The following SLC41A3 variants were observed in gnomAD, a reference collection of about 807,000 sequenced individuals.
SLC41A3 encodes solute carrier family 41 member 3, also known as SLC41A1-like 2.
A neutral mutation model predicts 45.4 loss-of-function variants in SLC41A3; 44 were observed. The ratio of observed to expected loss-of-function variants is 0.97; its 90% confidence interval spans 0.76 to 1.25. The LOEUF is 1.25. Among genes scored for constraint, SLC41A3 ranks in the 50% most tolerant of loss-of-function variants. SLC41A3 has a pLI of 0.00. For missense variants in SLC41A3, 550 were observed against 600.6 expected, an observed-to-expected ratio of 0.92 and a Z score of 0.88; for synonymous variants, 256 against 252.4, an observed-to-expected ratio of 1.01 and a Z score of -0.13.
At chr3:126,012,879 C>G in intron 8 of SLC41A3, 130 bp from the exon 9 acceptor site, 1 of 1,372,604 alleles carries the variant, frequency 7.3e-7, no homozygotes, top group Non-Finnish European at 9.8e-7. Flanking sequence ...TTTTCCTTTC[C>G]TCCCACTTGA....
intron 1 of SLC41A3, among the ~76,000 whole-genome samples, chr3:126,094,185 A>G (rs932665635): frequency 2.0e-5 from 3 of 152,228 alleles, no homozygotes; most frequent in African/African-American, 7.2e-5. Flanking sequence ...GAAATGGGGT[A>G]TGTCCCTGGT....
intron 3 of SLC41A3, among the ~76,000 whole-genome samples, chr3:126,045,943 T>G (rs1215571848): frequency 1.3e-5 from 2 of 151,792 alleles, no homozygotes; most frequent in Non-Finnish European, 2.9e-5. Flanking sequence ...GAATACAAGA[T>G]AGCTCCACAT....
At chr3:126,075,470 C>T (rs1944838376) in intron 1 of SLC41A3, among the ~76,000 whole-genome samples, 2 of 151,644 alleles carry the variant, frequency 1.3e-5, no homozygotes, top group Admixed American at 6.6e-5. Flanking sequence ...CCCTCCCTCC[C>T]TTCCTTCTTT....
rs200769935 is a variant in SLC41A3 at position 126,015,546 on chromosome 3, G to A, written c.918C>T (p.Thr306=). ...SSFGGLILSK[T]VSKQQYKGMA... ...TGCCTTTGTACTGCTGTTTAGAAACGGTTTTGCTCAAGATGAGTCCTCCGA... is the reference window on the plus strand; with the variant it reads ...TGCCTTTGTACTGCTGTTTAGAAACAGTTTTGCTCAAGATGAGTCCTCCGA... Residue 306 remains threonine (T), a synonymous_variant, in exon 8 of 11, where the codon ACC becomes ACT. Coordinates refer to ENST00000360370, the MANE Select transcript of SLC41A3 (RefSeq NM_017836.4). 8.9e-5 allele frequency: 144 copies of A among 1,614,180 alleles called. No homozygotes were observed. Among genetic ancestry groups the A allele is most frequent in the African/African-American group, 1.1e-4 (8 of 75,040 alleles).
intron 3 of SLC41A3, among the ~76,000 whole-genome samples, chr3:126,035,509 C>G (rs577695226): frequency 6.6e-6 from 1 of 152,328 alleles, no homozygotes; most frequent in Non-Finnish European, 1.5e-5. Context: ...AGAGGACCTC[C>G]TCCAAGACTA....
chr3:126,026,416 G>A lies in SLC41A3; in HGVS notation c.517C>T (p.Arg173Ter), dbSNP rs11543282. 1.2e-5 allele frequency: 19 copies of A among 1,596,588 alleles called. No individual in the cohort carries two copies. Among genetic ancestry groups the A allele is most frequent in the East Asian group, 4.5e-5 (2 of 44,162 alleles). ...ACCTTGGCGACATCCACTTCCTCTC[G>A]AGACACCACGCCCAACAGCAGCGCA... ...VAALLLGVVS[R>*]EEVDVAKVEL... is the part of the protein sequence containing the mutation. The change falls in exon 5 of 11, where the codon CGA (arginine) becomes TGA (stop). Residue 173 changes from arginine (R) to a stop codon, truncating the protein, a stop_gained. Transcript: ENST00000360370. LOFTEE classifies it high-confidence loss of function. The surrounding 1 kb of genome is among the most constrained non-coding windows in gnomAD (Gnocchi z 4.2).
chr3:126,064,681 C>T (rs1321688196), intron 2 of SLC41A3, among the ~76,000 whole-genome samples: 1 of 152,212 alleles, frequency 6.6e-6, no homozygotes, highest in Non-Finnish European at 1.5e-5. Flanking sequence ...AGCCAGCCCT[C>T]TTGCCCTCCT....
intron 1 of SLC41A3, among the ~76,000 whole-genome samples, chr3:126,070,924 T>C (rs1265766969): frequency 6.6e-6 from 1 of 152,082 alleles, no homozygotes; most frequent in Non-Finnish European, 1.5e-5. Context: ...AAGTTGGAAT[T>C]AAGTTGTTAT....
chr3:126,032,296 G>C (rs1369640614), intron 4 of SLC41A3, among the ~76,000 whole-genome samples: 3 of 152,246 alleles, frequency 2.0e-5, no homozygotes, highest in Admixed American at 6.5e-5. Flanking sequence ...GGAGTGCCTA[G>C]AGCAGTGTGG....
intron 1 of SLC41A3, among the ~76,000 whole-genome samples, chr3:126,090,150 TG>T (rs1464211571): frequency 6.6e-6 from 1 of 151,952 alleles, no homozygotes; most frequent in Non-Finnish European, 1.5e-5. Context: ...TAGTTATTTG[TG>T]TAAGTTCAAT....
chr3:126,044,860 C>A (rs1231493718), intron 3 of SLC41A3, among the ~76,000 whole-genome samples: 1 of 133,332 alleles, frequency 7.5e-6, no homozygotes, highest in Non-Finnish European at 1.5e-5. Flanking sequence ...GACGCCACTG[C>A]ACTCCAGCCT....
At chr3:126,016,458 C>T (rs1045100590) in intron 7 of SLC41A3, among the ~76,000 whole-genome samples, 9 of 152,236 alleles carry the variant, frequency 5.9e-5, no homozygotes, top group South Asian at 2.1e-4. Flanking sequence ...ACTCCAGTGC[C>T]GGCCCCAGCT....
At chr3:126,095,807 G>C (rs1945588552) in intron 1 of SLC41A3, among the ~76,000 whole-genome samples, 1 of 152,188 alleles carries the variant, frequency 6.6e-6, no homozygotes, top group Admixed American at 6.5e-5. Context: ...TATTTAGCTT[G>C]AATTGCACCT....
At chr3:126,037,579 G>A (rs1942293760) in intron 3 of SLC41A3, among the ~76,000 whole-genome samples, 1 of 152,186 alleles carries the variant, frequency 6.6e-6, no homozygotes, top group Non-Finnish European at 1.5e-5. Context: ...AGGGTATCAG[G>A]CAGGAGAAAT....
intron 1 of SLC41A3, among the ~76,000 whole-genome samples, chr3:126,096,814 C>T (rs1021147230): frequency 2.6e-5 from 4 of 152,210 alleles, no homozygotes; most frequent in Non-Finnish European, 5.9e-5. Context: ...CACTTCACAC[C>T]TCTGTATTTC....
chr3:126,050,779 G>C, intron 3 of SLC41A3, 164 bp downstream of exon 3: 1 of 1,248,918 alleles, frequency 8.0e-7, no homozygotes. Flanking sequence ...CCAAGGCATT[G>C]GGCTGGGAGA....
chr3:126,085,728 G>C (rs545964763), upstream of SLC41A3, among the ~76,000 whole-genome samples: 1 of 152,232 alleles, frequency 6.6e-6, no homozygotes, highest in Non-Finnish European at 1.5e-5. Flanking sequence ...ATAGGTAAAT[G>C]AGAGACTGAG....
At position 126,006,523 on chromosome 3, in the gene SLC41A3, A is replaced by C. The variant is rs1285848925; in HGVS notation, c.*493T>G. On this transcript the variant is annotated 3_prime_UTR_variant, in exon 11 of 11. Coordinates refer to ENST00000360370, the MANE Select transcript of SLC41A3 (RefSeq NM_017836.4). Reference sequence around the variant, plus strand: ...AGGCCCCATCCTGGGGAGGCTGTACACCTTCTTGGCACAGCAGCAGTGTGG... The same window carrying C: ...AGGCCCCATCCTGGGGAGGCTGTACCCCTTCTTGGCACAGCAGCAGTGTGG... 6.2e-7 allele frequency: 1 copy of C among 1,613,218 alleles called. No individual in the cohort carries two copies. Among genetic ancestry groups the C allele is most frequent in the Non-Finnish European group, 8.5e-7 (1 of 1,179,862 alleles).
At chr3:126,068,296 C>G in intron 1 of SLC41A3, 50 bp from the exon 2 acceptor site, 2 of 1,446,724 alleles carry the variant, frequency 1.4e-6, no homozygotes, top group Non-Finnish European at 1.8e-6. Context: ...ATTCCCATGG[C>G]GCTAACACCC....
Sources: gnomAD v4.1 joint callset for allele counts (sites outside exome capture counted in the v4.1 genomes callset) on GRCh38, gnomAD v4.1.1 for gene constraint, Gnocchi (gnomAD v3.1) non-coding constraint, MANE v1.5 for transcripts, NCBI Gene and HGNC (gene_info 2026-07-23, HGNC 2026-07-21) for gene names.